ATXN7L1: variants seen among roughly 807,000 people sequenced by gnomAD.
ATXN7L1 encodes the protein ataxin-7-like protein 1.
Under a neutral mutation model 70.8 loss-of-function variants are expected in ATXN7L1, and 15 were observed. That is an observed-to-expected ratio of 0.21 (90% CI 0.14 to 0.33). ATXN7L1 has a LOEUF of 0.33. Ranked by LOEUF, ATXN7L1 falls within the 10% of genes least tolerant of loss-of-function variation. The pLI, the probability that ATXN7L1 is intolerant of heterozygous loss-of-function variation, is 1.00. For missense variants in ATXN7L1, 975 were observed against 1,097.1 expected (o/e 0.89, Z 1.57); for synonymous variants, 440 against 445.1 (o/e 0.99, Z 0.14).
Position 105,801,563 on chromosome 7 carries a change from T to C in ATXN7L1, c.251-12855A>G, listed in dbSNP as rs574782339. Among the ~76,000 whole-genome samples, 71 of 152,336 alleles carry C rather than the reference T, an allele frequency of 4.7e-4. 1 individual carries two copies. The highest frequency in any genetic ancestry group is 1.6e-3 in the African/African-American group (65 of 41,580). On this transcript the variant is annotated intron_variant, in intron 2 of 11. Coordinates refer to ENST00000419735, the MANE Select transcript of ATXN7L1 (RefSeq NM_020725.2). ...AATGTGGTAATATGGAACTTCTTGCTAGTTAAAAGATTCTGTTAGCTAAGG... is the reference window on the plus strand; with the variant it reads ...AATGTGGTAATATGGAACTTCTTGCCAGTTAAAAGATTCTGTTAGCTAAGG...
chr7:105,788,358 C>T, intron 3 of ATXN7L1: 1 of 488,344 alleles, frequency 2.0e-6, no homozygotes, highest in Non-Finnish European at 3.8e-6. Context: ...TGGCTTCAGT[C>T]TAGTCCCATC....
chr7:105,835,149 GTTTT>G (rs10587073), intron 2 of ATXN7L1, among the ~76,000 whole-genome samples: 3 of 67,330 alleles, frequency 4.5e-5, no homozygotes, highest in Admixed American at 2.3e-4. Context: ...TAAGTGTGTG[GTTTT>G]TTTTTTTTTT....
intron 2 of ATXN7L1, among the ~76,000 whole-genome samples, chr7:105,837,556 C>T (rs367694104): frequency 6.6e-6 from 1 of 152,246 alleles, no homozygotes; most frequent in East Asian, 1.9e-4. Context: ...GACCATGACA[C>T]TGCCTCCCAT....
Position 105,620,290 on chromosome 7 carries a change from C to T in ATXN7L1, c.1427G>A (p.Arg476Gln), listed in dbSNP as rs1249608840. The T allele has an allele frequency of 7.7e-6, 12 of 1,550,954 alleles. 1 individual carries two copies. The highest frequency in any genetic ancestry group is 4.8e-5 in the South Asian group (4 of 83,862). Reference sequence around the variant, plus strand: ...TCTTCTATCAAACACATAGTACCCTCGTCCCATGAGGCGACTCCCAAATGA... The same window carrying T: ...TCTTCTATCAAACACATAGTACCCTTGTCCCATGAGGCGACTCCCAAATGA... ...FCSFGSRLMG[R>Q]GYYVFDRRWD... Residue 476 changes from arginine (R) to glutamine (Q), a missense_variant, in exon 9 of 12, where the codon CGA becomes CAA. This residue lies in a region of ATXN7L1 where 635 missense variants were observed against 699.4 expected (regional missense o/e 0.91). Coordinates refer to ENST00000419735, the MANE Select transcript of ATXN7L1 (RefSeq NM_020725.2).
chr7:105,650,284 T>C (rs987215810), intron 4 of ATXN7L1, among the ~76,000 whole-genome samples: 1 of 152,270 alleles, frequency 6.6e-6, no homozygotes, highest in South Asian at 2.1e-4. Flanking sequence ...TAAATGGTAT[T>C]TTTGCGGTGT....
chr7:105,769,540 G>A (rs1202367814), intron 3 of ATXN7L1, among the ~76,000 whole-genome samples: 2 of 152,176 alleles, frequency 1.3e-5, no homozygotes, highest in Non-Finnish European at 2.9e-5. Flanking sequence ...GTTTGTTGGT[G>A]GGAAGGAATG....
At chr7:105,717,215 C>T (rs1263392881) in intron 3 of ATXN7L1, among the ~76,000 whole-genome samples, 2 of 152,194 alleles carry the variant, frequency 1.3e-5, no homozygotes, top group Non-Finnish European at 2.9e-5. Flanking sequence ...GCAACCTCCA[C>T]CTCCTGGGTT....
intron 7 of ATXN7L1, among the ~76,000 whole-genome samples, chr7:105,624,662 AAAAACAGCCT>A (rs1795431362): frequency 1.3e-5 from 2 of 151,482 alleles, no homozygotes; most frequent in Admixed American, 6.6e-5. Flanking sequence ...AAAAAAAAAA[AAAAACAGCCT>A]GATTAGCCTT....
intron 3 of ATXN7L1, 129 bp from the exon 4 acceptor site, chr7:105,665,417 GC>G: frequency 1.4e-6 from 1 of 715,412 alleles, no homozygotes; most frequent in Non-Finnish European, 2.4e-6. Context: ...CATTCCTGAA[GC>G]CTAGGTTCTG....
At chr7:105,741,313 A>G (rs963177017) in intron 3 of ATXN7L1, among the ~76,000 whole-genome samples, 1 of 152,012 alleles carries the variant, frequency 6.6e-6, no homozygotes, top group East Asian at 1.9e-4. Flanking sequence ...CCCCCACTGA[A>G]CTTCTGTCAG....
chr7:105,798,072 G>T (rs1806259382), intron 2 of ATXN7L1, among the ~76,000 whole-genome samples: 1 of 152,220 alleles, frequency 6.6e-6, no homozygotes, highest in Non-Finnish European at 1.5e-5. Context: ...TGCTATCTAA[G>T]ATTACGAGGT....
At chr7:105,628,686 G>A (rs1239125347) in intron 7 of ATXN7L1, among the ~76,000 whole-genome samples, 3 of 151,744 alleles carry the variant, frequency 2.0e-5, no homozygotes, top group African/African-American at 4.8e-5. Flanking sequence ...CCAGCTACTC[G>A]GGAGGCTGAG....
intron 2 of ATXN7L1, among the ~76,000 whole-genome samples, chr7:105,842,087 T>C (rs922468168): frequency 1.3e-5 from 2 of 152,178 alleles, no homozygotes; most frequent in South Asian, 4.1e-4. Flanking sequence ...CAAGCCACTC[T>C]GGGAAGCACC....
intron 3 of ATXN7L1, among the ~76,000 whole-genome samples, chr7:105,781,747 T>C (rs553741305): frequency 2.6e-5 from 4 of 152,352 alleles, no homozygotes; most frequent in South Asian, 2.1e-4. Flanking sequence ...AGATAAACTA[T>C]TATTTCCATT....
intron 2 of ATXN7L1, among the ~76,000 whole-genome samples, chr7:105,797,191 C>T (rs1219409816): frequency 6.6e-6 from 1 of 152,246 alleles, no homozygotes; most frequent in African/African-American, 2.4e-5. Context: ...TGACTCCTGG[C>T]CTCTTCCTGC....
chr7:105,797,770 T>C (rs1049043927), intron 2 of ATXN7L1, among the ~76,000 whole-genome samples: 8 of 152,240 alleles, frequency 5.3e-5, no homozygotes, highest in African/African-American at 1.9e-4. Context: ...CCCCTCCTGG[T>C]GCGCCCTCAC....
At chr7:105,692,192 CT>C (rs1790973537) in intron 3 of ATXN7L1, among the ~76,000 whole-genome samples, 1 of 152,068 alleles carries the variant, frequency 6.6e-6, no homozygotes, top group Non-Finnish European at 1.5e-5. Flanking sequence ...ACATGACACA[CT>C]GCGGTTATTA....
At chr7:105,672,600 T>G (rs1803937504) in intron 3 of ATXN7L1, among the ~76,000 whole-genome samples, 1 of 152,222 alleles carries the variant, frequency 6.6e-6, no homozygotes, top group Non-Finnish European at 1.5e-5. Context: ...AATGAGTTGC[T>G]TAAGGTCACA....
chr7:105,786,740 CTT>C (rs564938609), intron 3 of ATXN7L1, among the ~76,000 whole-genome samples: 231 of 152,094 alleles, frequency 1.5e-3, no homozygotes, highest in African/African-American at 5.2e-3. Context: ...GTCTCAAACT[CTT>C]GGCCTCAAGT....
Sources: gnomAD v4.1 joint callset for allele counts (sites outside exome capture counted in the v4.1 genomes callset) on GRCh38, gnomAD v4.1.1 for gene constraint, gnomAD v4.1.1 regional missense constraint, MANE v1.5 for transcripts, NCBI Gene and HGNC (gene_info 2026-07-23, HGNC 2026-07-21) for gene names.